The following SERPINB9 variants were observed in gnomAD, a reference collection of about 807,000 sequenced individuals.
SERPINB9 encodes the protein serpin family B member 9.
A neutral mutation model predicts 27.2 loss-of-function variants in SERPINB9; 20 were observed. The ratio of observed to expected loss-of-function variants is 0.74; its 90% CI spans 0.52 to 1.07. The LOEUF (loss-of-function observed/expected upper bound fraction) is 1.07, where lower values mean the gene tolerates loss of function less well. Ranked by LOEUF, SERPINB9 falls within the 50% of genes least tolerant of loss-of-function variation. The pLI is 0.00. For synonymous variants in SERPINB9, 189 were observed against 180.0 expected (o/e 1.05, Z -0.40); for missense variants, 476 against 460.1 (o/e 1.03, Z -0.32).
rs777725284 is a variant in SERPINB9, at chr6:2,891,783, G to A, written c.723+50C>T. The A allele has an allele frequency of 6.5e-6, 10 of 1,539,904 alleles. No homozygotes were observed. In the African/African-American group the frequency reaches 1.1e-4, roughly 17 times the overall value. On this transcript the variant is annotated intron_variant, in intron 6 of 6. Coordinates refer to ENST00000380698, the MANE Select transcript of SERPINB9 (RefSeq NM_004155.6). This position sits in a 1 kb window ranked among gnomAD's most constrained non-coding sequence, Gnocchi z 4.0. ...TATGAGAGGTGGAAGTGGCACTCGAGTTCTGCCCGCAAAGGTGTCCCTGGG... is the reference window on the plus strand; with the variant it reads ...TATGAGAGGTGGAAGTGGCACTCGAATTCTGCCCGCAAAGGTGTCCCTGGG...
intron 1 of SERPINB9, among the ~76,000 whole-genome samples, chr6:2,901,810 C>T (rs1478301977): frequency 2.0e-5 from 3 of 152,126 alleles, no homozygotes; most frequent in African/African-American, 7.2e-5. Context: ...TGCCCAGGCC[C>T]CCTCCCGAGC....
At position 2,890,384 on chromosome 6, in the gene SERPINB9, A is replaced by T. The variant is rs757543029; in HGVS notation, c.910T>A (p.Ser304Thr). 1 of 1,614,234 alleles carries T rather than the reference A, an allele frequency of 6.2e-7. No homozygotes were observed. The highest frequency in any genetic ancestry group is 1.7e-5 in the Admixed American group (1 of 60,030). The change falls in exon 7 of 7, where the codon TCA becomes ACA. Residue 304 changes from serine to threonine, a missense_variant. Transcript: ENST00000380698. The surrounding 1 kb of genome is among the most constrained non-coding windows in gnomAD (Gnocchi z 6.2). Reference sequence around the variant, plus strand: ...GACAGACACAGGTCTCTCTCCGCTGACATTGCCGACAAGTCAGCCTTGCCC... The same window carrying T: ...GACAGACACAGGTCTCTCTCCGCTGTCATTGCCGACAAGTCAGCCTTGCCC... ...QQGKADLSAM[S>T]AERDLCLSKF...
Position 2,890,118 on chromosome 6 carries a change from G to GA in SERPINB9, c.*44dup. ...CTTGGAGCTGTAGTGGGGATCTGGGGACACAGGAAGAGGGAAATGGCCGAG... is the reference window on the plus strand; with the variant it reads ...CTTGGAGCTGTAGTGGGGATCTGGGGAACACAGGAAGAGGGAAATGGCCGAG... On this transcript the variant is annotated 3_prime_UTR_variant, in exon 7 of 7. Transcript: ENST00000380698. The surrounding 1 kb of genome is among the most constrained non-coding windows in gnomAD (Gnocchi z 6.2). 6.3e-7 allele frequency: 1 copy of GA among 1,575,066 alleles called. No homozygotes were observed. The highest frequency in any genetic ancestry group is 1.2e-5 in the South Asian group (1 of 86,508).
At position 2,887,782 on chromosome 6, in the gene SERPINB9, G is replaced by A. The variant is rs1006263996; in HGVS notation, c.*2381C>T. On this transcript the variant is annotated 3_prime_UTR_variant, in exon 7 of 7. Coordinates refer to ENST00000380698, the MANE Select transcript of SERPINB9 (RefSeq NM_004155.6). ...GAATTGCTTGAATCCAGGAGGAGGAGGTTGCAGTGAGCCCAGATCATGCCA... is the reference window on the plus strand; with the variant it reads ...GAATTGCTTGAATCCAGGAGGAGGAAGTTGCAGTGAGCCCAGATCATGCCA... 1.7e-4 allele frequency: 25 copies of A among 149,102 alleles called. No individual in the cohort carries two copies. The highest frequency in any genetic ancestry group is 6.0e-4 in the African/African-American group (24 of 40,036). 9.2% of individuals were successfully genotyped at this position (149,102 alleles called of 1,614,324 possible).
rs760990367 is a variant in SERPINB9 at position 2,893,438 on chromosome 6, T to C, written c.540A>G (p.Thr180=). ...GGTTTATTTTAAAGGGCATTTCCCT[T>C]GTGTATGTTTCGTCAAACGGTTCAT... The part of the protein sequence containing the change: ...KWNEPFDETY[T]REMPFKINQE... Residue 180 remains threonine (T), a synonymous_variant, in exon 5 of 7, where the codon ACA becomes ACG. Transcript: ENST00000380698. The C allele has an allele frequency of 6.2e-7, 1 of 1,612,696 alleles. No homozygotes were observed. Among genetic ancestry groups the C allele is most frequent in the Non-Finnish European group, 8.5e-7 (1 of 1,179,244 alleles).
Position 2,890,352 on chromosome 6 carries a change from G to A in SERPINB9, c.942C>T (p.Phe314=), listed in dbSNP as rs755507862. The stretch of plus-strand genomic sequence containing the variant: ...TCACCTCCACAAAACTCTTGTGCAC[G>A]AACTTGGACAGACACAGGTCTCTCT... ...SAERDLCLSK[F]VHKSFVEVNE... Residue 314 remains phenylalanine, a synonymous_variant, in exon 7 of 7, where the codon TTC becomes TTT. Coordinates refer to ENST00000380698, the MANE Select transcript of SERPINB9 (RefSeq NM_004155.6). The surrounding 1 kb of genome is among the most constrained non-coding windows in gnomAD (Gnocchi z 6.2). The A allele has an allele frequency of 2.9e-5, 47 of 1,614,070 alleles. No individual in the cohort carries two copies. The Admixed American group carries it at 3.2e-4, about 11-fold the overall frequency.
rs915386838 is a variant in SERPINB9 at position 2,894,312 on chromosome 6, T to C, written c.425-759A>G. On this transcript the variant is annotated intron_variant, in intron 4 of 6. Coordinates refer to ENST00000380698, the MANE Select transcript of SERPINB9 (RefSeq NM_004155.6). The surrounding 1 kb of genome is among the most constrained non-coding windows in gnomAD (Gnocchi z 4.7). Reference sequence around the variant, plus strand: ...GAAATGTTCCTGGTGGTACTAAGCATAATTGGCGCAGAGGAGTCTGAATGG... The same window carrying C: ...GAAATGTTCCTGGTGGTACTAAGCACAATTGGCGCAGAGGAGTCTGAATGG... Among the ~76,000 whole-genome samples, 1 of 152,174 alleles carries C rather than the reference T, an allele frequency of 6.6e-6. No homozygotes were observed. Among genetic ancestry groups the C allele is most frequent in the Admixed American group, 6.5e-5 (1 of 15,280 alleles).
rs1310405135 is a variant in SERPINB9 at position 2,888,568 on chromosome 6, G to A, written c.*1595C>T. 1 of 152,176 alleles carries A rather than the reference G, an allele frequency of 6.6e-6. No homozygotes were observed. Among genetic ancestry groups the A allele is most frequent in the African/African-American group, 2.4e-5 (1 of 41,438 alleles). The allele number at this position is 152,176 out of a possible 1,614,324, so 9.4% of individuals were successfully genotyped here. A position where few individuals can be genotyped will look rare whatever the true frequency, so the allele number is the denominator to read the frequency against. On this transcript the variant is annotated 3_prime_UTR_variant, in exon 7 of 7. Coordinates refer to ENST00000380698, the MANE Select transcript of SERPINB9 (RefSeq NM_004155.6). ...TCTCAAAAACTTGTACTAAGTGAAAGAAGCCAGACACAAAAGGTCTCATAC... is the reference window on the plus strand; with the variant it reads ...TCTCAAAAACTTGTACTAAGTGAAAAAAGCCAGACACAAAAGGTCTCATAC...
In SERPINB9 at chr6:2,888,685, GGA is replaced by G. The variant is rs1337395460; in HGVS notation, c.*1476_*1477del. The G allele has an allele frequency of 6.6e-6, 1 of 152,150 alleles. No homozygotes were observed. Among genetic ancestry groups the G allele is most frequent in the Non-Finnish European group, 1.5e-5 (1 of 68,022 alleles). The allele number at this position is 152,150 out of a possible 1,614,324, so 9.4% of individuals were successfully genotyped here. ...CTGGGGGCTGGAGGAAGGAAGGAAT[GGA>G]GAGTATCTGCTTAATGGGATGGGGT... On this transcript the variant is annotated 3_prime_UTR_variant, in exon 7 of 7. Transcript: ENST00000380698.
intron 5 of SERPINB9, 63 bp from the exon 6 acceptor site, chr6:2,892,051 G>C: frequency 5.1e-6 from 7 of 1,360,138 alleles, no homozygotes; most frequent in African/African-American, 3.2e-5. Context: ...TTGCCTCCAA[G>C]AGTGTTTTCA....
chr6:2,901,424 C>G (rs368272799), intron 1 of SERPINB9, among the ~76,000 whole-genome samples: 15 of 152,208 alleles, frequency 9.9e-5, no homozygotes, highest in African/African-American at 3.1e-4. Flanking sequence ...TTACTCCCAG[C>G]AAAAGCCATG....
intron 3 of SERPINB9, 140 bp downstream of exon 3, chr6:2,895,913 C>T: frequency 5.9e-6 from 5 of 847,536 alleles, no homozygotes; most frequent in Non-Finnish European, 8.7e-6. Context: ...GTAGTGAGAC[C>T]CCATCTTAGA....
intron 5 of SERPINB9, among the ~76,000 whole-genome samples, chr6:2,893,111 T>C (rs1342264840): frequency 3.6e-5 from 4 of 110,988 alleles, no homozygotes; most frequent in Admixed American, 1.0e-4. Context: ...GGAAGATCTT[T>C]AGTTTCCAAA....
Position 2,894,264 on chromosome 6 carries a change from C to A in SERPINB9, c.425-711G>T, listed in dbSNP as rs566999383. The stretch of plus-strand genomic sequence containing the variant: ...GCGAAGAACGTCTCCCATTCTTTAC[C>A]GTCTCATTTATTCACAGAAATGGAA... On this transcript the variant is annotated intron_variant, in intron 4 of 6. Transcript: ENST00000380698. The surrounding 1 kb of genome is among the most constrained non-coding windows in gnomAD (Gnocchi z 4.7). Among the ~76,000 whole-genome samples the A allele has an allele frequency of 6.6e-6, 1 of 152,232 alleles. No individual in the cohort carries two copies. The highest frequency in any genetic ancestry group is 1.9e-4 in the East Asian group (1 of 5,188).
At chr6:2,895,244 TG>T in intron 4 of SERPINB9, 146 bp downstream of exon 4, 1 of 586,748 alleles carries the variant, frequency 1.7e-6, no homozygotes, top group Non-Finnish European at 3.0e-6. Context: ...GGGGGCGGAG[TG>T]GAGAGGTGGA....
At position 2,894,469 on chromosome 6, in the gene SERPINB9, C is replaced by T. The variant is rs1356647371; in HGVS notation, c.425-916G>A. Among the ~76,000 whole-genome samples, 1 of 152,100 alleles carries T rather than the reference C, an allele frequency of 6.6e-6. No homozygotes were observed. The highest frequency in any genetic ancestry group is 6.5e-5 in the Admixed American group (1 of 15,278). On this transcript the variant is annotated intron_variant, in intron 4 of 6. Coordinates refer to ENST00000380698, the MANE Select transcript of SERPINB9 (RefSeq NM_004155.6). The surrounding 1 kb of genome is among the most constrained non-coding windows in gnomAD (Gnocchi z 4.7). ...GAACTGATCAGCCCTGAGAGAGGGT[C>T]GGCAGTTAACCAATCAAATGTAGGC...
At position 2,890,164 on chromosome 6, in the gene SERPINB9, T is replaced by C. The variant is rs1213408559; in HGVS notation, c.1130A>G (p.Ter377=). Residue 377 remains the stop codon, a stop_retained_variant, in exon 7 of 7, where the codon TAA becomes TGA. Coordinates refer to ENST00000380698, the MANE Select transcript of SERPINB9 (RefSeq NM_004155.6). The surrounding 1 kb of genome is among the most constrained non-coding windows in gnomAD (Gnocchi z 6.2). ...ILFCGRFSSP[*] ...CCGAGTGCACGGTAAGTGCACCCTT[T>C]ATGGCGATGAGAACCTGCCACAGAA... is the stretch of plus-strand genomic sequence containing the variant. The C allele has an allele frequency of 2.5e-6, 4 of 1,612,158 alleles. No individual in the cohort carries two copies. The East Asian group carries it at 6.7e-5, about 27-fold the overall frequency.
chr6:2,897,340 C>A (rs1561646801), intron 2 of SERPINB9, among the ~76,000 whole-genome samples: 2 of 152,020 alleles, frequency 1.3e-5, no homozygotes, highest in African/African-American at 4.8e-5. Flanking sequence ...GTGATGCTTG[C>A]TGGTAATCCC....
At chr6:2,896,741 C>T (rs1768012919) in intron 2 of SERPINB9, among the ~76,000 whole-genome samples, 1 of 152,112 alleles carries the variant, frequency 6.6e-6, no homozygotes, top group East Asian at 1.9e-4. Context: ...AATGTAGTAA[C>T]AAAAAATCAG....
Sources: gnomAD v4.1 joint callset for allele counts (sites outside exome capture counted in the v4.1 genomes callset) on GRCh38, gnomAD v4.1.1 for gene constraint, Gnocchi (gnomAD v3.1) non-coding constraint, MANE v1.5 for transcripts, NCBI Gene and HGNC (gene_info 2026-07-23, HGNC 2026-07-21) for gene names.